ZNF136: variants seen among roughly 807,000 people sequenced by gnomAD.
ZNF136 encodes zinc finger protein 136 (clone pHZ-20).
In ZNF136, 8 loss-of-function variants were observed where a neutral mutation model predicts 11.4. The observed-to-expected ratio is 0.70, with a 90% CI of 0.41 to 1.27. The LOEUF (loss-of-function observed/expected upper bound fraction) is 1.27, where lower values mean the gene tolerates loss of function less well. ZNF136 is among the 50% of genes most tolerant of loss of function. ZNF136 has a pLI of 0.01. For missense variants in ZNF136, 590 were observed against 656.5 expected, an observed-to-expected ratio of 0.90 and a Z score of 1.11; for synonymous variants, 190 against 207.1, an observed-to-expected ratio of 0.92 and a Z score of 0.71.
At chr19:12,164,226 C>T (rs1977152991) in intron 1 of ZNF136, among the ~76,000 whole-genome samples, 1 of 152,152 alleles carries the variant, frequency 6.6e-6, no homozygotes, top group African/African-American at 2.4e-5. Context: ...TTTGGAGACA[C>T]ACTGGTGGTC....
In ZNF136 at chr19:12,187,853, G is replaced by A. The variant is rs762840045; in HGVS notation, c.1475G>A (p.Arg492Gln). ...GCCTTTAGATCTTCTAGTTCCTTTC[G>A]ACTACATGAAAGGACTCACACTGGA... ...GKAFRSSSSFRLHERTHTGQK... is the reference protein window; with the variant it reads ...GKAFRSSSSFQLHERTHTGQK... Residue 492 changes from arginine (R) to glutamine (Q), a missense_variant, in exon 4 of 4, where the codon CGA (arginine) becomes CAA (glutamine). Physicochemically the swap from Arg to Gln is conservative, Grantham distance 43. Transcript: ENST00000343979. 13 of 1,602,442 alleles carry A rather than the reference G, an allele frequency of 8.1e-6. No homozygotes were observed. In the Admixed American group the frequency reaches 8.8e-5, roughly 11 times the overall value.
chr19:12,186,893 A>C lies in ZNF136; in HGVS notation c.515A>C (p.Glu172Ala). 1 of 1,613,966 alleles carries C rather than the reference A, an allele frequency of 6.2e-7. No individual in the cohort carries two copies. The highest frequency in any genetic ancestry group is 8.5e-7 in the Non-Finnish European group (1 of 1,179,982). Residue 172 changes from glutamate (E) to alanine (A), a missense_variant, in exon 4 of 4, where the codon GAA (glutamate) becomes GCA (alanine). Coordinates refer to ENST00000343979, the MANE Select transcript of ZNF136 (RefSeq NM_003437.5). ...GGAGAGAAACTCTATGATTGTAAGG[A>C]ATGTGGAAAAACCTTCTTTTCTCTC... ...HTGEKLYDCK[E>A]CGKTFFSLKR...
chr19:12,181,058 TGTG>T (rs1914927729), intron 1 of ZNF136, among the ~76,000 whole-genome samples: 1 of 152,318 alleles, frequency 6.6e-6, no homozygotes, highest in South Asian at 2.1e-4. Flanking sequence ...TGTACGATCT[TGTG>T]GTGAATTTTC....
intron 1 of ZNF136, among the ~76,000 whole-genome samples, chr19:12,165,210 G>C (rs1339811954): frequency 6.6e-6 from 1 of 152,192 alleles, no homozygotes; most frequent in Non-Finnish European, 1.5e-5. Flanking sequence ...ACAGTGTCGC[G>C]TAATGCAGTG....
chr19:12,185,565 A>C, intron 1 of ZNF136: 1 of 508,370 alleles, frequency 2.0e-6, no homozygotes, highest in Non-Finnish European at 3.3e-6. Flanking sequence ...ACTCCTTGCA[A>C]CCACCACCAA....
chr19:12,187,370 C>A lies in ZNF136; in HGVS notation c.992C>A (p.Thr331Asn), dbSNP rs1915137088. 1 of 1,613,978 alleles carries A rather than the reference C, an allele frequency of 6.2e-7. No homozygotes were observed. Residue 331 changes from threonine to asparagine, a missense_variant, in exon 4 of 4, where the codon ACT becomes AAT. By Grantham distance (65) the Thr-to-Asn change is moderately conservative. Coordinates refer to ENST00000343979, the MANE Select transcript of ZNF136 (RefSeq NM_003437.5). ...CTTCGACTACATGAAAGAATTCACACTGGTGAGAAACCCTTCGTATGTAAA... is the reference window on the plus strand; with the variant it reads ...CTTCGACTACATGAAAGAATTCACAATGGTGAGAAACCCTTCGTATGTAAA... ...PSLRLHERIH[T>N]GEKPFVCKQC...
At chr19:12,175,570 C>A (rs1292448439) in intron 1 of ZNF136, among the ~76,000 whole-genome samples, 2 of 152,162 alleles carry the variant, frequency 1.3e-5, no homozygotes, top group East Asian at 1.9e-4. Flanking sequence ...CTTATGCCCC[C>A]TATTCCCACT....
At chr19:12,175,790 T>G (rs1176813274) in intron 1 of ZNF136, among the ~76,000 whole-genome samples, 1 of 152,212 alleles carries the variant, frequency 6.6e-6, no homozygotes, top group Non-Finnish European at 1.5e-5. Flanking sequence ...AAAAACCCTC[T>G]CATCCACCTA....
intron 1 of ZNF136, among the ~76,000 whole-genome samples, chr19:12,173,468 C>T (rs1361111353): frequency 1.3e-5 from 2 of 152,004 alleles, no homozygotes; most frequent in African/African-American, 4.8e-5. Flanking sequence ...CTCAGGGAGT[C>T]TTGTATTATA....
chr19:12,185,437 A>C (rs1201011610), intron 1 of ZNF136: 1 of 167,678 alleles, frequency 6.0e-6, no homozygotes, highest in Admixed American at 6.3e-5. Flanking sequence ...AAGGGTAAGC[A>C]GTCTCAGGAC....
At chr19:12,183,510 T>C (rs1290379416) in intron 1 of ZNF136, among the ~76,000 whole-genome samples, 1 of 152,140 alleles carries the variant, frequency 6.6e-6, no homozygotes, top group Non-Finnish European at 1.5e-5. Context: ...CTCAGAGAAA[T>C]AGGGAGAATC....
At chr19:12,170,289 C>T (rs771093672) in intron 1 of ZNF136, among the ~76,000 whole-genome samples, 1 of 152,132 alleles carries the variant, frequency 6.6e-6, no homozygotes, top group Non-Finnish European at 1.5e-5. Flanking sequence ...TGTGGGTCAC[C>T]CAGGTTACTA....
intron 1 of ZNF136, among the ~76,000 whole-genome samples, chr19:12,170,126 C>T (rs898162952): frequency 3.6e-4 from 53 of 146,636 alleles, no homozygotes; most frequent in African/African-American, 1.2e-3. Context: ...GACGGGGTTT[C>T]GCTGTGTTAG....
intron 1 of ZNF136, among the ~76,000 whole-genome samples, chr19:12,167,779 C>T (rs1430352232): frequency 6.6e-6 from 1 of 152,136 alleles, no homozygotes; most frequent in African/African-American, 2.4e-5. Flanking sequence ...TAAGTCTGCC[C>T]CTCAGAGACT....
chr19:12,187,529 T>C lies in ZNF136; in HGVS notation c.1151T>C (p.Ile384Thr), dbSNP rs1326825557. ...SCIPSMRRHM[I>T]KHTGEGPYKC... The stretch of plus-strand genomic sequence containing the variant: ...ATCCCAAGTATGCGAAGACACATGA[T>C]AAAACATACTGGAGAAGGACCTTAT... Residue 384 changes from isoleucine to threonine, a missense_variant, in exon 4 of 4, where the codon ATA (isoleucine) becomes ACA (threonine). Coordinates refer to ENST00000343979, the MANE Select transcript of ZNF136 (RefSeq NM_003437.5). The C allele has an allele frequency of 6.2e-7, 1 of 1,613,538 alleles. No homozygotes were observed. The highest frequency in any genetic ancestry group is 1.3e-5 in the African/African-American group (1 of 74,736).
chr19:12,180,120 T>A, intron 1 of ZNF136, among the ~76,000 whole-genome samples: 1 of 151,542 alleles, frequency 6.6e-6, no homozygotes, highest in East Asian at 2.0e-4. Flanking sequence ...CCTGCCTCGG[T>A]CTCCCAAAGT....
At position 12,187,648 on chromosome 19, in the gene ZNF136, C is replaced by T; in HGVS notation, c.1270C>T (p.His424Tyr). The change falls in exon 4 of 4, where the codon CAT (histidine) becomes TAT (tyrosine). Residue 424 changes from histidine (H) to tyrosine (Y), a missense_variant. By Grantham distance (83) the His-to-Tyr change is moderately conservative. Transcript: ENST00000343979. ...HTGEKPYVCKHCGKAFVSSTS... is the reference protein window; with the variant it reads ...HTGEKPYVCKYCGKAFVSSTS... ...TGGAGAGAAACCTTATGTATGTAAA[C>T]ATTGTGGTAAAGCTTTCGTTTCTTC... is the stretch of plus-strand genomic sequence containing the variant. 1 of 1,614,044 alleles carries T rather than the reference C, an allele frequency of 6.2e-7. No individual in the cohort carries two copies. The highest frequency in any genetic ancestry group is 8.5e-7 in the Non-Finnish European group (1 of 1,179,990).
chr19:12,186,643 A>C lies in ZNF136; in HGVS notation c.265A>C (p.Asn89His), dbSNP rs749446296. 2.3e-5 allele frequency: 37 copies of C among 1,614,050 alleles called. 1 individual carries two copies. The South Asian group carries it at 3.2e-4, about 14-fold the overall frequency. Residue 89 changes from asparagine (N) to histidine (H), a missense_variant, in exon 4 of 4, where the codon AAT becomes CAT. Asn to His is a moderately conservative substitution (Grantham distance 68). Coordinates refer to ENST00000343979, the MANE Select transcript of ZNF136 (RefSeq NM_003437.5). ...TGGAGGAATTTTTAGCCAGTTTGCAAATCAGAATCTGAGCAAGAAAATCCC... is the reference window on the plus strand; with the variant it reads ...TGGAGGAATTTTTAGCCAGTTTGCACATCAGAATCTGAGCAAGAAAATCCC... ...QRGGIFSQFANQNLSKKIPGV... is the reference protein window; with the variant it reads ...QRGGIFSQFAHQNLSKKIPGV...
chr19:12,186,434 A>T (rs1915085713), intron 3 of ZNF136, 136 bp from the exon 4 acceptor site: 1 of 841,226 alleles, frequency 1.2e-6, no homozygotes. Flanking sequence ...AGAGCATTGA[A>T]TTCATTCATG....
Sources: allele counts gnomAD v4.1 joint callset (sites outside exome capture counted in the v4.1 genomes callset), GRCh38; gene constraint gnomAD v4.1.1; transcripts MANE v1.5; gene names NCBI Gene and HGNC (gene_info 2026-07-23, HGNC 2026-07-21).